The following TTF2 variants were observed in gnomAD, a reference collection of about 807,000 sequenced individuals.
TTF2 encodes the protein transcription termination factor 2.
A neutral mutation model predicts 142.4 loss-of-function variants in TTF2; 108 were observed. The observed-to-expected ratio is 0.76, with a 90% CI of 0.65 to 0.89. The LOEUF (loss-of-function observed/expected upper bound fraction) is 0.89. Ranked by LOEUF, TTF2 falls within the 40% of genes least tolerant of loss-of-function variation. The pLI is 0.00. For synonymous variants in TTF2, 483 were observed against 506.2 expected, an observed-to-expected ratio of 0.95 and a Z score of 0.61; for missense variants, 1,327 against 1,379.8, an observed-to-expected ratio of 0.96 and a Z score of 0.61.
chr1:117,071,430 G>A (rs1346635295), intron 3 of TTF2, among the ~76,000 whole-genome samples: 1 of 152,168 alleles, frequency 6.6e-6, no homozygotes, highest in Non-Finnish European at 1.5e-5. Flanking sequence ...TGTATGTTAT[G>A]CTACCCATTT....
Position 117,091,398 on chromosome 1 carries a change from C to T in TTF2, c.2659C>T (p.Pro887Ser). 1 of 1,613,228 alleles carries T rather than the reference C, an allele frequency of 6.2e-7. No individual in the cohort carries two copies. Among genetic ancestry groups the T allele is most frequent in the Non-Finnish European group, 8.5e-7 (1 of 1,179,812 alleles). The change falls in exon 16 of 23, where the codon CCA becomes TCA. Residue 887 changes from proline (P) to serine (S), a missense_variant. Coordinates refer to ENST00000369466, the MANE Select transcript of TTF2 (RefSeq NM_003594.4). ...CCAATCTGGAAGAAGCCCTAATAATCCATTCAGTAGAGGTAAGCTGTAGGA... is the reference window on the plus strand; with the variant it reads ...CCAATCTGGAAGAAGCCCTAATAATTCATTCAGTAGAGGTAAGCTGTAGGA... ...GNQSGRSPNNPFSRVALEFGS... is the reference protein window; with the variant it reads ...GNQSGRSPNNSFSRVALEFGS...
chr1:117,094,695 C>A, intron 18 of TTF2: 1 of 477,316 alleles, frequency 2.1e-6, no homozygotes, highest in East Asian at 6.3e-5. Flanking sequence ...CAGCCCCTCA[C>A]ACATGGCCGA....
chr1:117,070,603 CTTGAT>C lies in TTF2; in HGVS notation c.219-3055_219-3051del, dbSNP rs1656498210. 6.6e-6 allele frequency among the ~76,000 whole-genome samples: 1 copy of C among 152,118 alleles called. No homozygotes were observed. Among genetic ancestry groups the C allele is most frequent in the African/African-American group, 2.4e-5 (1 of 41,416 alleles). On this transcript the variant is annotated intron_variant, in intron 3 of 22. Transcript: ENST00000369466. This position sits in a 1 kb window ranked among gnomAD's most constrained non-coding sequence, Gnocchi z 4.2. ...CTTTAAACAACAGCAGGAGTTTGTTCTTGATTTATTTCTGTAAGTAGTAGCACCCA... is the reference window on the plus strand; with the variant it reads ...CTTTAAACAACAGCAGGAGTTTGTTCTTATTTCTGTAAGTAGTAGCACCCA...
In TTF2 at chr1:117,097,285, A is replaced by G; in HGVS notation, c.3187-66A>G. ...TTATCTGTATTGATTGTGGACTTAA[A>G]CCTGAGACCGAGATGTGTTACGAGA... On this transcript the variant is annotated intron_variant, in intron 20 of 22. Transcript: ENST00000369466. This position sits in a 1 kb window ranked among gnomAD's most constrained non-coding sequence, Gnocchi z 4.1. The G allele has an allele frequency of 1.4e-6, 2 of 1,419,734 alleles. No individual in the cohort carries two copies. Among genetic ancestry groups the G allele is most frequent in the South Asian group, 2.3e-5 (2 of 86,954 alleles). The allele number at this position is 1,419,734 out of a possible 1,614,324, so 87.9% of individuals were successfully genotyped here.
chr1:117,090,280 A>G lies in TTF2; in HGVS notation c.2496+72A>G. 6.4e-7 allele frequency: 1 copy of G among 1,556,908 alleles called. No individual in the cohort carries two copies. The highest frequency in any genetic ancestry group is 8.7e-7 in the Non-Finnish European group (1 of 1,152,690). On this transcript the variant is annotated intron_variant, in intron 14 of 22. Transcript: ENST00000369466. This position sits in a 1 kb window ranked among gnomAD's most constrained non-coding sequence, Gnocchi z 4.8. ...TGACTGTGTCCTTGTCTTGGGTTGA[A>G]CAGCCATCTGCTTTGCTTCAGGAGC...
Position 117,105,661 on chromosome 1 carries a change from G to A in TTF2, c.*4137G>A, listed in dbSNP as rs985947386. ...GAATCCAGGAGGCGGAGGTTACAGTGAGCTGAGATCATACCACTGCACTCC... is the reference window on the plus strand; with the variant it reads ...GAATCCAGGAGGCGGAGGTTACAGTAAGCTGAGATCATACCACTGCACTCC... On this transcript the variant is annotated 3_prime_UTR_variant, in exon 23 of 23. Coordinates refer to ENST00000369466, the MANE Select transcript of TTF2 (RefSeq NM_003594.4). The surrounding 1 kb of genome is among the most constrained non-coding windows in gnomAD (Gnocchi z 4.7). 9 of 152,174 alleles carry A rather than the reference G, an allele frequency of 5.9e-5. No individual in the cohort carries two copies. The highest frequency in any genetic ancestry group is 2.2e-4 in the African/African-American group (9 of 41,424). The allele number at this position is 152,174 out of a possible 1,614,324, so 9.4% of individuals were successfully genotyped here.
Position 117,096,138 on chromosome 1 carries a change from C to A in TTF2, c.3036-11C>A. The A allele has an allele frequency of 6.2e-7, 1 of 1,613,510 alleles. No homozygotes were observed. The highest frequency in any genetic ancestry group is 8.5e-7 in the Non-Finnish European group (1 of 1,179,736). On this transcript the variant is annotated splice_polypyrimidine_tract_variant and intron_variant, in intron 19 of 22. Transcript: ENST00000369466. ...TGTTAGGGTATTTTTTTATTTTATTCTTCTTTCCAGTGTCATTGTCTCTCA... is the reference window on the plus strand; with the variant it reads ...TGTTAGGGTATTTTTTTATTTTATTATTCTTTCCAGTGTCATTGTCTCTCA...
chr1:117,066,467 A>G (rs1291821393), intron 3 of TTF2, among the ~76,000 whole-genome samples: 2 of 152,120 alleles, frequency 1.3e-5, no homozygotes, highest in African/African-American at 4.8e-5. Flanking sequence ...TTCATCTGGA[A>G]TATTGCTCAC....
intron 3 of TTF2, among the ~76,000 whole-genome samples, chr1:117,065,911 G>A (rs755266088): frequency 6.6e-6 from 1 of 151,074 alleles, no homozygotes; most frequent in Non-Finnish European, 1.5e-5. Flanking sequence ...GAAGAACTAT[G>A]GAGGACAGAT....
chr1:117,066,185 A>G (rs1656115379), intron 3 of TTF2, among the ~76,000 whole-genome samples: 1 of 151,964 alleles, frequency 6.6e-6, no homozygotes. Flanking sequence ...AGATTTCAAT[A>G]TCCGTGTTTA....
At position 117,103,750 on chromosome 1, in the gene TTF2, C is replaced by CA. The variant is rs2101296162; in HGVS notation, c.*2228dup. On this transcript the variant is annotated 3_prime_UTR_variant, in exon 23 of 23. Coordinates refer to ENST00000369466, the MANE Select transcript of TTF2 (RefSeq NM_003594.4). ...CAGACGGATCACGAGGTCAAGAGAT[C>CA]AAGACCATCTTGGCCAACATGGTGA... is the stretch of plus-strand genomic sequence containing the variant. 1 of 152,264 alleles carries CA rather than the reference C, an allele frequency of 6.6e-6. No homozygotes were observed. The highest frequency in any genetic ancestry group is 1.9e-4 in the East Asian group (1 of 5,154). The allele number at this position is 152,264 out of a possible 1,614,324, so 9.4% of individuals were successfully genotyped here. A position where few individuals can be genotyped will look rare whatever the true frequency, so the allele number is the denominator to read the frequency against.
intron 7 of TTF2, among the ~76,000 whole-genome samples, chr1:117,077,134 T>G (rs1475102289): frequency 6.6e-6 from 1 of 151,276 alleles, no homozygotes; most frequent in Non-Finnish European, 1.5e-5. Flanking sequence ...CAAAACATAG[T>G]ATGTGTAGGG....
rs1432670052 is a variant in TTF2, at chr1:117,070,495, A to C, written c.219-3166A>C. 6.6e-6 allele frequency among the ~76,000 whole-genome samples: 1 copy of C among 152,218 alleles called. No homozygotes were observed. On this transcript the variant is annotated intron_variant, in intron 3 of 22. Coordinates refer to ENST00000369466, the MANE Select transcript of TTF2 (RefSeq NM_003594.4). This position sits in a 1 kb window ranked among gnomAD's most constrained non-coding sequence, Gnocchi z 4.2. ...GGGACCACAGTTGTATGTGCCATCC[A>C]CTGTTGACTGAAACATCATCATGCA... is the stretch of plus-strand genomic sequence containing the variant.
rs1649529118 is a variant in TTF2, at chr1:117,100,808, A to G, written c.3345-572A>G. 1.3e-5 allele frequency among the ~76,000 whole-genome samples: 2 copies of G among 152,148 alleles called. No homozygotes were observed. The highest frequency in any genetic ancestry group is 4.1e-4 in the South Asian group (2 of 4,820). Reference sequence around the variant, plus strand: ...GGCACATACTTCCATTATAGCACTTACCAGGTCATATTATTGTTTATTTTC... The same window carrying G: ...GGCACATACTTCCATTATAGCACTTGCCAGGTCATATTATTGTTTATTTTC... On this transcript the variant is annotated intron_variant, in intron 22 of 22. Coordinates refer to ENST00000369466, the MANE Select transcript of TTF2 (RefSeq NM_003594.4). This position sits in a 1 kb window ranked among gnomAD's most constrained non-coding sequence, Gnocchi z 4.6.
At chr1:117,095,277 A>G in intron 18 of TTF2, 32 bp from the exon 19 acceptor site, 4 of 1,611,440 alleles carry the variant, frequency 2.5e-6, no homozygotes, top group Non-Finnish European at 3.4e-6. Context: ...TGAATTGCTT[A>G]AACATACAAT....
rs985873428 is a variant in TTF2 at position 117,105,826 on chromosome 1, A to G, written c.*4302A>G. The G allele has an allele frequency of 4.6e-5, 7 of 152,212 alleles. No homozygotes were observed. Among genetic ancestry groups the G allele is most frequent in the African/African-American group, 1.4e-4 (6 of 41,460 alleles). The allele number at this position is 152,212 out of a possible 1,614,324, so 9.4% of individuals were successfully genotyped here. ...TTTATGGGAGGTGACTTATTTCTCT[A>G]TCAATCCTGTGAGTGATTTAGCATG... On this transcript the variant is annotated 3_prime_UTR_variant, in exon 23 of 23. Coordinates refer to ENST00000369466, the MANE Select transcript of TTF2 (RefSeq NM_003594.4). The surrounding 1 kb of genome is among the most constrained non-coding windows in gnomAD (Gnocchi z 4.7).
At position 117,063,633 on chromosome 1, in the gene TTF2, T is replaced by G. The variant is rs536158317; in HGVS notation, c.218+1160T>G. 8.8e-3 allele frequency among the ~76,000 whole-genome samples: 1,343 copies of G among 152,362 alleles called. 7 individuals are homozygous for G. The highest frequency in any genetic ancestry group is 0.013 in the Non-Finnish European group (894 of 68,034). On this transcript the variant is annotated intron_variant, in intron 3 of 22. Transcript: ENST00000369466. This position sits in a 1 kb window ranked among gnomAD's most constrained non-coding sequence, Gnocchi z 4.1. ...CACCACTTTGTTTGGTGTGCCTATT[T>G]GCCATCAGAAAATCTCGACGTTATC...
chr1:117,101,560 C>A lies in TTF2; in HGVS notation c.*36C>A. ...ATAAGGGCTCAGAATAGCACCATTG[C>A]TGGTTTGTATTAGGATCTGGGAATA... On this transcript the variant is annotated 3_prime_UTR_variant, in exon 23 of 23. Transcript: ENST00000369466. This position sits in a 1 kb window ranked among gnomAD's most constrained non-coding sequence, Gnocchi z 5.9. 1 of 1,530,494 alleles carries A rather than the reference C, an allele frequency of 6.5e-7. No homozygotes were observed. The highest frequency in any genetic ancestry group is 8.7e-7 in the Non-Finnish European group (1 of 1,146,614). The allele number at this position is 1,530,494 out of a possible 1,614,324, so 94.8% of individuals were successfully genotyped here. A position where few individuals can be genotyped will look rare whatever the true frequency, so the allele number is the denominator to read the frequency against.
chr1:117,078,172 C>A (rs2101042790), intron 8 of TTF2, 129 bp downstream of exon 8: 1 of 1,210,336 alleles, frequency 8.3e-7, no homozygotes, highest in Non-Finnish European at 1.1e-6. Context: ...TCCCTTGCAG[C>A]ATCCTCTCCT....
Sources: gnomAD v4.1 joint callset for allele counts (sites outside exome capture counted in the v4.1 genomes callset) on GRCh38, gnomAD v4.1.1 for gene constraint, Gnocchi (gnomAD v3.1) non-coding constraint, MANE v1.5 for transcripts, NCBI Gene and HGNC (gene_info 2026-07-23, HGNC 2026-07-21) for gene names.